The following COTL1 variants were observed in gnomAD, a reference collection of about 807,000 sequenced individuals.
The protein encoded by COTL1 is coactosin-like protein.
Under a neutral mutation model 16.5 loss-of-function variants are expected in COTL1, and 15 were observed. The ratio of observed to expected loss-of-function variants is 0.91; its 90% CI spans 0.61 to 1.40. The LOEUF (loss-of-function observed/expected upper bound fraction) is 1.40, where lower values mean the gene tolerates loss of function less well. Ranked by LOEUF, COTL1 falls within the 40% of genes most tolerant of loss-of-function variation. The probability of loss-of-function intolerance (pLI) is 0.00; values close to 1 mark genes in which losing one functional copy is unlikely to be tolerated. For synonymous variants in COTL1, 112 were observed against 85.3 expected (o/e 1.31, Z -1.73); for missense variants, 220 against 201.5 (o/e 1.09, Z -0.56).
intron 3 of COTL1, among the ~76,000 whole-genome samples, chr16:84,581,360 G>A (rs997504322): frequency 6.6e-6 from 1 of 152,130 alleles, no homozygotes; most frequent in Admixed American, 6.6e-5. Context: ...TGAAGGCAGC[G>A]AACAGTCTGT....
intron 2 of COTL1, among the ~76,000 whole-genome samples, chr16:84,609,907 T>G (rs1186511053): frequency 6.6e-6 from 1 of 152,342 alleles, no homozygotes; most frequent in Non-Finnish European, 1.5e-5. Context: ...ACCTCTTTTC[T>G]TTATAAATTA....
chr16:84,582,246 C>T (rs367891608), intron 3 of COTL1, among the ~76,000 whole-genome samples: 10 of 151,158 alleles, frequency 6.6e-5, no homozygotes, highest in African/African-American at 1.9e-4. Context: ...CCACCCACCT[C>T]GGCCTCCCAA....
chr16:84,581,243 C>T (rs947111081), intron 3 of COTL1, among the ~76,000 whole-genome samples: 1 of 152,154 alleles, frequency 6.6e-6, no homozygotes, highest in African/African-American at 2.4e-5. Context: ...AGGTGAAATG[C>T]ATCAGGCCAA....
intron 3 of COTL1, among the ~76,000 whole-genome samples, chr16:84,582,097 C>T (rs532867061): frequency 8.7e-5 from 13 of 149,368 alleles, no homozygotes; most frequent in Admixed American, 2.0e-4. Context: ...AAGCAATTCT[C>T]GTGCCTCAGC....
At chr16:84,612,262 A>G (rs1457630408) in intron 2 of COTL1, among the ~76,000 whole-genome samples, 2 of 152,042 alleles carry the variant, frequency 1.3e-5, no homozygotes, top group African/African-American at 4.8e-5. Flanking sequence ...AGGTATTTGA[A>G]CCCAGGCAAT....
chr16:84,593,847 C>A (rs1385294816), intron 2 of COTL1, among the ~76,000 whole-genome samples: 1 of 152,210 alleles, frequency 6.6e-6, no homozygotes. Flanking sequence ...AGGACACTCA[C>A]AATGTTGTGC....
chr16:84,612,016 C>T (rs1475726494), intron 2 of COTL1, among the ~76,000 whole-genome samples: 1 of 152,170 alleles, frequency 6.6e-6, no homozygotes, highest in Admixed American at 6.5e-5. Flanking sequence ...CAGCCCAGCT[C>T]AGCACCCATT....
intron 3 of COTL1, among the ~76,000 whole-genome samples, chr16:84,578,592 C>A (rs1024038802): frequency 6.6e-6 from 1 of 152,028 alleles, no homozygotes; most frequent in African/African-American, 2.4e-5. Flanking sequence ...CAGGCATGCA[C>A]GCACACAAAC....
chr16:84,591,577 A>C (rs573707136), intron 2 of COTL1, among the ~76,000 whole-genome samples: 211 of 138,518 alleles, frequency 1.5e-3, no homozygotes, highest in African/African-American at 5.5e-3. Context: ...AGGTGGGAGG[A>C]TCACTTCAGC....
intron 3 of COTL1, among the ~76,000 whole-genome samples, chr16:84,585,211 G>A (rs1029211805): frequency 2.6e-5 from 4 of 152,066 alleles, no homozygotes; most frequent in Non-Finnish European, 1.5e-5. Flanking sequence ...AAAATTAGCT[G>A]GGTGTGGTGA....
intron 3 of COTL1, among the ~76,000 whole-genome samples, chr16:84,572,124 G>A (rs1253283615): frequency 6.6e-6 from 1 of 152,250 alleles, no homozygotes; most frequent in Non-Finnish European, 1.5e-5. Context: ...GCACCACTGG[G>A]GAGTGGGCTT....
chr16:84,600,485 G>C (rs185199232), intron 2 of COTL1, among the ~76,000 whole-genome samples: 1 of 152,096 alleles, frequency 6.6e-6, no homozygotes, highest in African/African-American at 2.4e-5. Context: ...GCTAATTTTT[G>C]TAGTTTTAGT....
chr16:84,605,937 T>C (rs1472961225), intron 2 of COTL1, among the ~76,000 whole-genome samples: 1 of 152,252 alleles, frequency 6.6e-6, no homozygotes, highest in East Asian at 1.9e-4. Context: ...ATTGTTGTTA[T>C]CAACTTATTT....
intron 2 of COTL1, among the ~76,000 whole-genome samples, chr16:84,592,294 A>C (rs1904889618): frequency 6.6e-6 from 1 of 152,156 alleles, no homozygotes; most frequent in African/African-American, 2.4e-5. Flanking sequence ...TATCACCAAG[A>C]TCTCATTACA....
At chr16:84,576,432 A>G (rs1904455616) in intron 3 of COTL1, 1 of 152,188 alleles carries the variant, frequency 6.6e-6, no homozygotes, top group African/African-American at 2.4e-5. Flanking sequence ...AAAGCGACAC[A>G]ATTTGTTCTT....
intron 2 of COTL1, among the ~76,000 whole-genome samples, chr16:84,600,323 T>TA (rs1905083302): frequency 6.6e-6 from 1 of 151,086 alleles, no homozygotes; most frequent in African/African-American, 2.4e-5. Context: ...TTTTTTTTTT[T>TA]TTTTTTTGAG....
intron 3 of COTL1, chr16:84,576,605 G>A (rs1205510802): frequency 1.3e-5 from 2 of 152,170 alleles, no homozygotes; most frequent in Non-Finnish European, 2.9e-5. Context: ...AATGGCTCTG[G>A]GCCCTGGTTT....
chr16:84,606,592 C>T lies in COTL1; in HGVS notation c.160+10909G>A, dbSNP rs116716056. 5.0e-3 allele frequency among the ~76,000 whole-genome samples: 764 copies of T among 152,326 alleles called. 4 individuals carry two copies. Among genetic ancestry groups the T allele is most frequent in the African/African-American group, 0.017 (718 of 41,568 alleles). ...GGAGATGCTTTTTGACTCCTTGTCA[C>T]CTTCTCCAAGGCCATGTCTGGTTTC... On this transcript the variant is annotated intron_variant, in intron 2 of 3. Coordinates refer to ENST00000262428, the MANE Select transcript of COTL1 (RefSeq NM_021149.5).
intron 2 of COTL1, among the ~76,000 whole-genome samples, chr16:84,593,784 C>G (rs1904931723): frequency 6.6e-6 from 1 of 152,210 alleles, no homozygotes; most frequent in Non-Finnish European, 1.5e-5. Context: ...CAAGCGTGAG[C>G]CACCGCGCCC....
Sources: allele counts gnomAD v4.1 joint callset (sites outside exome capture counted in the v4.1 genomes callset), GRCh38; gene constraint gnomAD v4.1.1; transcripts MANE v1.5; gene names NCBI Gene and HGNC (gene_info 2026-07-23, HGNC 2026-07-21).